Variants in TPH2 observed in about 807,000 individuals in gnomAD.
TPH2 encodes tryptophan hydroxylase 2, also known as tryptophan 5-hydroxylase 2.
TPH2 carries 27 observed loss-of-function variants against 59.1 expected under a neutral mutation model. That is an observed-to-expected ratio of 0.46 (90% CI 0.34 to 0.63). TPH2 has a LOEUF of 0.63. Ranked by LOEUF, TPH2 falls within the 30% of genes least tolerant of loss-of-function variation. TPH2 has a pLI of 0.01. For missense variants in TPH2, 523 were observed against 588.3 expected (o/e 0.89, Z 1.15); for synonymous variants, 220 against 210.5 (o/e 1.05, Z -0.39).
Position 71,972,508 on chromosome 12 carries a change from C to T in TPH2, c.609-11C>T. 3.1e-6 allele frequency: 5 copies of T among 1,613,840 alleles called. No homozygotes were observed. Among genetic ancestry groups the T allele is most frequent in the South Asian group, 1.1e-5 (1 of 91,076 alleles). On this transcript the variant is annotated splice_polypyrimidine_tract_variant and intron_variant, in intron 5 of 10. Transcript: ENST00000333850. ...AAGTTAGATTCATTTAGTTTCTTCT[C>T]TCCTGCCTAGTGGTCAGCCCATTCC...
chr12:71,939,119 A>T, intron 1 of TPH2, 28 bp downstream of exon 1: 2 of 1,567,540 alleles, frequency 1.3e-6, no homozygotes, highest in South Asian at 1.1e-5. Flanking sequence ...GGCACTATGG[A>T]GAATTATTTT....
chr12:72,018,520 C>A (rs1873319028), intron 8 of TPH2, among the ~76,000 whole-genome samples: 1 of 152,090 alleles, frequency 6.6e-6, no homozygotes. Flanking sequence ...TAAATGTGAC[C>A]ATGAATTATG....
At chr12:71,987,831 G>A (rs891787413) in intron 7 of TPH2, among the ~76,000 whole-genome samples, 2 of 152,276 alleles carry the variant, frequency 1.3e-5, no homozygotes, top group Non-Finnish European at 2.9e-5. Context: ...CAGCCTGGGT[G>A]ATAAGAGTGA....
intron 6 of TPH2, among the ~76,000 whole-genome samples, chr12:71,978,334 T>C (rs1047651902): frequency 6.6e-6 from 1 of 152,114 alleles, no homozygotes. Flanking sequence ...GAATTAGTGG[T>C]ATAGGGCAGG....
chr12:71,958,590 G>T (rs1295955306), intron 5 of TPH2, among the ~76,000 whole-genome samples: 1 of 152,132 alleles, frequency 6.6e-6, no homozygotes, highest in Non-Finnish European at 1.5e-5. Flanking sequence ...CATCTGCCAG[G>T]GTCTGGCATG....
Position 72,031,568 on chromosome 12 carries a change from C to G in TPH2, c.1346C>G (p.Pro449Arg). The change falls in exon 11 of 11, where the codon CCC becomes CGC. Residue 449 changes from proline to arginine, a missense_variant. Transcript: ENST00000333850. ...ITRPFSVYFN[P>R]YTQSIEILKD... is the part of the protein sequence containing the mutation. ...CGTCCCTTCTCAGTATACTTCAATC[C>G]CTACACACAGAGTATTGAAATTCTG... is the stretch of plus-strand genomic sequence containing the variant. The G allele has an allele frequency of 6.2e-7, 1 of 1,613,566 alleles. No homozygotes were observed. Among genetic ancestry groups the G allele is most frequent in the Non-Finnish European group, 8.5e-7 (1 of 1,179,646 alleles).
At chr12:72,015,259 CTG>C (rs1486399935) in intron 8 of TPH2, among the ~76,000 whole-genome samples, 1 of 148,510 alleles carries the variant, frequency 6.7e-6, no homozygotes, top group East Asian at 2.0e-4. Flanking sequence ...AGTAAAAACA[CTG>C]TGAAAGGAAG....
Position 72,031,581 on chromosome 12 carries a change from T to G in TPH2, c.1359T>G (p.Ser453Arg), listed in dbSNP as rs761047269. The G allele has an allele frequency of 9.3e-6, 15 of 1,613,416 alleles. No homozygotes were observed. In the South Asian group the frequency reaches 1.6e-4, roughly 18 times the overall value. The part of the protein sequence containing the change: ...FSVYFNPYTQ[S>R]IEILKDTRSI... The stretch of plus-strand genomic sequence containing the variant: ...TATACTTCAATCCCTACACACAGAG[T>G]ATTGAAATTCTGAAAGACACCAGAA... The change falls in exon 11 of 11, where the codon AGT becomes AGG. Residue 453 changes from serine (S) to arginine (R), a missense_variant. Coordinates refer to ENST00000333850, the MANE Select transcript of TPH2 (RefSeq NM_173353.4).
intron 5 of TPH2, among the ~76,000 whole-genome samples, chr12:71,972,068 A>G (rs1233598806): frequency 6.6e-6 from 1 of 152,194 alleles, no homozygotes; most frequent in Non-Finnish European, 1.5e-5. Context: ...TAATCTCAAA[A>G]TTACACTTGA....
intron 5 of TPH2, among the ~76,000 whole-genome samples, chr12:71,957,327 ATTTTTTTTTT>A (rs35425528): frequency 1.0e-4 from 10 of 95,598 alleles, no homozygotes; most frequent in Non-Finnish European, 5.8e-5. Flanking sequence ...TGAGTAAAGG[ATTTTTTTTTT>A]TTTTTTTTTT....
chr12:71,941,713 A>AAAG lies in TPH2; in HGVS notation c.236_238dup (p.Lys79_Ala80insGlu), dbSNP rs1284673001. ...GAAGAATGAAGTTGGTGGATTGGTA[A>AAAG]AAGCACTGAGGCTCTTTCAGGTGAA... On this transcript the variant is annotated inframe_insertion, in exon 2 of 11. Transcript: ENST00000333850. 1.2e-6 allele frequency: 2 copies of AAAG among 1,613,954 alleles called. No individual in the cohort carries two copies. The highest frequency in any genetic ancestry group is 1.7e-6 in the Non-Finnish European group (2 of 1,179,960).
intron 6 of TPH2, among the ~76,000 whole-genome samples, chr12:71,976,526 TA>T (rs923001372): frequency 7.9e-5 from 12 of 152,248 alleles, no homozygotes; most frequent in African/African-American, 1.4e-4. Flanking sequence ...ACATAACTAT[TA>T]AAAAAAATGT....
intron 8 of TPH2, among the ~76,000 whole-genome samples, chr12:72,009,391 T>C (rs574921185): frequency 1.3e-5 from 2 of 152,366 alleles, no homozygotes; most frequent in South Asian, 4.1e-4. Context: ...TATTGTCTCA[T>C]GAATTTTCAC....
chr12:71,993,444 T>G (rs193025823), intron 7 of TPH2, among the ~76,000 whole-genome samples: 1 of 152,192 alleles, frequency 6.6e-6, no homozygotes, highest in Non-Finnish European at 1.5e-5. Context: ...CAGACAACCA[T>G]AGGGGAATTC....
At chr12:71,954,845 G>A (rs370037013) in intron 5 of TPH2, among the ~76,000 whole-genome samples, 6 of 148,690 alleles carry the variant, frequency 4.0e-5, no homozygotes, top group Admixed American at 6.7e-5. Context: ...TTTTTTTTTC[G>A]TGGGGATGGT....
intron 9 of TPH2, among the ~76,000 whole-genome samples, chr12:72,027,778 C>T (rs1450287988): frequency 2.0e-5 from 3 of 152,068 alleles, no homozygotes; most frequent in African/African-American, 4.8e-5. Flanking sequence ...GAAATCCATC[C>T]GCAGGCCCAG....
At chr12:71,996,933 G>A (rs1046281580) in intron 8 of TPH2, among the ~76,000 whole-genome samples, 9 of 151,990 alleles carry the variant, frequency 5.9e-5, no homozygotes, top group Admixed American at 4.6e-4. Flanking sequence ...AGCTTATATC[G>A]ACAAAACAGA....
intron 5 of TPH2, among the ~76,000 whole-genome samples, chr12:71,950,214 C>T (rs1871307003): frequency 6.6e-6 from 1 of 152,136 alleles, no homozygotes. Flanking sequence ...GTGCATAGTA[C>T]ATGATGCTAA....
intron 5 of TPH2, among the ~76,000 whole-genome samples, chr12:71,966,472 A>C (rs955290591): frequency 2.6e-5 from 4 of 152,340 alleles, no homozygotes; most frequent in Middle Eastern, 3.4e-3. Flanking sequence ...CCAGGTAGAA[A>C]TGTCAATCAA....
Sources: allele counts gnomAD v4.1 joint callset (sites outside exome capture counted in the v4.1 genomes callset), GRCh38; gene constraint gnomAD v4.1.1; transcripts MANE v1.5; gene names NCBI Gene and HGNC (gene_info 2026-07-23, HGNC 2026-07-21).